The following PARD3 variants were observed in gnomAD, a reference collection of about 807,000 sequenced individuals.
The protein encoded by PARD3 is par-3 family cell polarity regulator.
Under a neutral mutation model 155.4 loss-of-function variants are expected in PARD3, and 75 were observed. The observed-to-expected ratio is 0.48, with a 90% CI of 0.40 to 0.58. PARD3 has a LOEUF of 0.58. PARD3 is among the 20% of genes least tolerant of loss of function. The pLI is 0.00. For missense variants in PARD3, 1,642 were observed against 1,721.7 expected, an observed-to-expected ratio of 0.95 and a Z score of 0.82; for synonymous variants, 576 against 610.5, an observed-to-expected ratio of 0.94 and a Z score of 0.83.
intron 22 of PARD3, among the ~76,000 whole-genome samples, chr10:34,197,075 T>G (rs777076664): frequency 6.6e-6 from 1 of 152,168 alleles, no homozygotes; most frequent in African/African-American, 2.4e-5. Flanking sequence ...ACACGAGCAA[T>G]GTTCAGCTCA....
intron 22 of PARD3, among the ~76,000 whole-genome samples, chr10:34,193,774 G>A (rs1950817877): frequency 6.6e-6 from 1 of 152,164 alleles, no homozygotes; most frequent in Non-Finnish European, 1.5e-5. Flanking sequence ...AGAGCTCTAA[G>A]TGAAGCTGGA....
intron 5 of PARD3, among the ~76,000 whole-genome samples, chr10:34,436,714 A>G (rs1475787669): frequency 2.0e-5 from 3 of 152,190 alleles, no homozygotes; most frequent in African/African-American, 2.4e-5. Flanking sequence ...ATGCCCATCA[A>G]TAAACACTGG....
rs1844517618 is a variant in PARD3 at position 34,406,747 on chromosome 10, C to CA, written c.715-4831dup. Among the ~76,000 whole-genome samples the CA allele has an allele frequency of 2.0e-5, 3 of 148,046 alleles. No homozygotes were observed. The Admixed American group carries it at 2.0e-4, about 10-fold the overall frequency. On this transcript the variant is annotated intron_variant, in intron 5 of 24. Transcript: ENST00000374788. ...ATAAAAGGCATCTTGACAGACCTGA[C>CA]ACAGAATGCAAGGGGAAAATCAAAA...
intron 3 of PARD3, among the ~76,000 whole-genome samples, chr10:34,494,212 T>C (rs1264785160): frequency 1.3e-5 from 2 of 152,332 alleles, no homozygotes; most frequent in South Asian, 2.1e-4. Flanking sequence ...CAGATGCCTA[T>C]GGCATAAGTA....
chr10:34,797,457 A>C (rs553255281), intron 1 of PARD3, among the ~76,000 whole-genome samples: 2 of 152,308 alleles, frequency 1.3e-5, no homozygotes, highest in Non-Finnish European at 2.9e-5. Flanking sequence ...TGGCCAAAGT[A>C]AAGTCTAAAC....
intron 22 of PARD3, among the ~76,000 whole-genome samples, chr10:34,226,077 C>A (rs1276925067): frequency 1.3e-5 from 2 of 151,972 alleles, no homozygotes; most frequent in Non-Finnish European, 2.9e-5. Flanking sequence ...AAATGACTTA[C>A]AATTCAGTAA....
intron 7 of PARD3, among the ~76,000 whole-genome samples, chr10:34,390,403 A>G (rs531120752): frequency 1.4e-4 from 21 of 152,208 alleles, no homozygotes; most frequent in Non-Finnish European, 2.8e-4. Flanking sequence ...TTCAAGGCAC[A>G]TAACAAAAGA....
intron 2 of PARD3, among the ~76,000 whole-genome samples, chr10:34,531,434 C>G (rs953184639): frequency 2.0e-5 from 3 of 152,162 alleles, no homozygotes; most frequent in African/African-American, 7.2e-5. Flanking sequence ...AATCCTTCAG[C>G]TTCTTGTTGC....
intron 17 of PARD3, among the ~76,000 whole-genome samples, chr10:34,336,502 A>C (rs1836205490): frequency 6.6e-6 from 1 of 152,168 alleles, no homozygotes; most frequent in South Asian, 2.1e-4. Context: ...GCAATGCATC[A>C]CCAAATTTTT....
At chr10:34,468,861 G>T (rs2078171887) in intron 4 of PARD3, among the ~76,000 whole-genome samples, 2 of 152,076 alleles carry the variant, frequency 1.3e-5, no homozygotes, top group African/African-American at 4.8e-5. Flanking sequence ...CCTATGCAAA[G>T]AATAAATCAA....
chr10:34,238,591 TA>T (rs577622260), intron 22 of PARD3, among the ~76,000 whole-genome samples: 3 of 150,264 alleles, frequency 2.0e-5, no homozygotes, highest in Admixed American at 6.6e-5. Flanking sequence ...TACATGCCCT[TA>T]AAAAAAAAGC....
At chr10:34,256,040 C>T (rs1954636307) in intron 22 of PARD3, among the ~76,000 whole-genome samples, 1 of 152,072 alleles carries the variant, frequency 6.6e-6, no homozygotes, top group Admixed American at 6.5e-5. Flanking sequence ...TAAAAACAAC[C>T]TATAATAGAG....
intron 1 of PARD3, among the ~76,000 whole-genome samples, chr10:34,793,186 C>A (rs1422010138): frequency 6.6e-6 from 1 of 152,144 alleles, no homozygotes; most frequent in East Asian, 1.9e-4. Flanking sequence ...AAGCACAGCT[C>A]TGGCAGCAGT....
Position 34,696,209 on chromosome 10 carries a change from A to G in PARD3, c.222+109T>C, listed in dbSNP as rs1590696569. 5 of 665,298 alleles carry G rather than the reference A, an allele frequency of 7.5e-6. No individual in the cohort carries two copies. In the East Asian group the frequency reaches 1.3e-4, roughly 17 times the overall value. The allele number at this position is 665,298 out of a possible 1,614,324, so 41.2% of individuals were successfully genotyped here. ...ATATACTAGAGTGGGTGGCCCACAC[A>G]TAATTTAAAGTATGTGTCTAAAACA... On this transcript the variant is annotated intron_variant, in intron 2 of 24. Transcript: ENST00000374788.
intron 1 of PARD3, among the ~76,000 whole-genome samples, chr10:34,749,020 A>C (rs1682040206): frequency 6.6e-6 from 1 of 152,208 alleles, no homozygotes; most frequent in African/African-American, 2.4e-5. Flanking sequence ...GTTAAATACT[A>C]ACGGCATGAA....
intron 1 of PARD3, among the ~76,000 whole-genome samples, chr10:34,748,343 G>A (rs548851181): frequency 4.6e-5 from 7 of 152,174 alleles, no homozygotes; most frequent in East Asian, 3.9e-4. Flanking sequence ...GGTGGCGTGC[G>A]CCTGTAATCC....
At position 34,559,373 on chromosome 10, in the gene PARD3, G is replaced by T. The variant is rs544269648; in HGVS notation, c.223-42214C>A. Among the ~76,000 whole-genome samples, 11 of 151,770 alleles carry T rather than the reference G, an allele frequency of 7.2e-5. No homozygotes were observed. The South Asian group carries it at 1.7e-3, about 23-fold the overall frequency. On this transcript the variant is annotated intron_variant, in intron 2 of 24. Coordinates refer to ENST00000374788, the MANE Select transcript of PARD3 (RefSeq NM_001184785.2). ...CTGTTAAGTACCTAGAATTAGCCATGCATTTTTAGGCAGGGGTCATAAACA... is the reference window on the plus strand; with the variant it reads ...CTGTTAAGTACCTAGAATTAGCCATTCATTTTTAGGCAGGGGTCATAAACA...
At chr10:34,696,258 T>C in intron 2 of PARD3, 60 bp downstream of exon 2, 1 of 845,380 alleles carries the variant, frequency 1.2e-6, no homozygotes, top group Non-Finnish European at 1.9e-6. Flanking sequence ...TCGCACCCGC[T>C]CCCTAGTCCT....
At chr10:34,454,238 T>C (rs2077213400) in intron 4 of PARD3, among the ~76,000 whole-genome samples, 2 of 152,168 alleles carry the variant, frequency 1.3e-5, no homozygotes, top group East Asian at 1.9e-4. Flanking sequence ...CTGCATACAA[T>C]GTGTATCAAG....
Sources: gnomAD v4.1 joint callset for allele counts (sites outside exome capture counted in the v4.1 genomes callset) on GRCh38, gnomAD v4.1.1 for gene constraint, MANE v1.5 for transcripts, NCBI Gene and HGNC (gene_info 2026-07-23, HGNC 2026-07-21) for gene names.